The following RABEP2 variants were observed in gnomAD, a reference collection of about 807,000 sequenced individuals.
RABEP2 encodes the protein rab GTPase-binding effector protein 2.
RABEP2 carries 57 observed loss-of-function variants against 74.1 expected under a neutral mutation model. The observed-to-expected ratio is 0.77, with a 90% confidence interval of 0.62 to 0.96. RABEP2 has a LOEUF of 0.96. RABEP2 is among the 40% of genes least tolerant of loss of function. RABEP2 has a pLI of 0.00. For synonymous variants in RABEP2, 351 were observed against 344.0 expected (o/e 1.02, Z -0.23); for missense variants, 692 against 756.3 (o/e 0.91, Z 1.00).
Position 28,925,199 on chromosome 16 carries a change from G to A in RABEP2, c.-36C>T. ...CAAACGGCGGATTCCCGCACTCCCT[G>A]GTGACGGAGCGCACCGCTTCCGGGT... On this transcript the variant is annotated 5_prime_UTR_variant, in exon 1 of 13. Transcript: ENST00000358201. The A allele has an allele frequency of 6.6e-7, 1 of 1,515,816 alleles. No individual in the cohort carries two copies. Among genetic ancestry groups the A allele is most frequent in the Non-Finnish European group, 8.8e-7 (1 of 1,138,134 alleles). The allele number at this position is 1,515,816 out of a possible 1,614,324, so 93.9% of individuals were successfully genotyped here. A position where few individuals can be genotyped will look rare whatever the true frequency, so the allele number is the denominator to read the frequency against.
Position 28,906,253 on chromosome 16 carries a change from G to A in RABEP2, c.1246-57C>T, listed in dbSNP as rs1400584331. On this transcript the variant is annotated intron_variant, in intron 8 of 12. Coordinates refer to ENST00000358201, the MANE Select transcript of RABEP2 (RefSeq NM_024816.3). ...TGGGGCAGGAGGGCAGGAGGGCAGGGGCCACCAGCCAGACGGGGATTGTCG... is the reference window on the plus strand; with the variant it reads ...TGGGGCAGGAGGGCAGGAGGGCAGGAGCCACCAGCCAGACGGGGATTGTCG... 13 of 1,489,398 alleles carry A rather than the reference G, an allele frequency of 8.7e-6. No individual in the cohort carries two copies. The Admixed American group carries it at 2.1e-4, about 25-fold the overall frequency. The allele number at this position is 1,489,398 out of a possible 1,614,324, so 92.3% of individuals were successfully genotyped here.
chr16:28,914,813 T>C, intron 3 of RABEP2, 31 bp from the exon 4 acceptor site: 1 of 1,598,158 alleles, frequency 6.3e-7, no homozygotes, highest in Non-Finnish European at 8.6e-7. Flanking sequence ...CAGCAATAGT[T>C]CCCCCTCCAA....
In RABEP2 at chr16:28,904,743, G is replaced by A. The variant is rs778986911; in HGVS notation, c.*200C>T. 29 of 644,826 alleles carry A rather than the reference G, an allele frequency of 4.5e-5. No homozygotes were observed. The highest frequency in any genetic ancestry group is 4.2e-4 in the African/African-American group (23 of 54,546). The allele number at this position is 644,826 out of a possible 1,614,324, so 39.9% of individuals were successfully genotyped here. A position where few individuals can be genotyped will look rare whatever the true frequency, so the allele number is the denominator to read the frequency against. On this transcript the variant is annotated 3_prime_UTR_variant, in exon 13 of 13. Coordinates refer to ENST00000358201, the MANE Select transcript of RABEP2 (RefSeq NM_024816.3). Reference sequence around the variant, plus strand: ...GGAGGGGCTTGGGCCCCTCACCCAGGTGTGATCCCTGAGAACAGGAGGCCC... The same window carrying A: ...GGAGGGGCTTGGGCCCCTCACCCAGATGTGATCCCTGAGAACAGGAGGCCC...
At position 28,908,691 on chromosome 16, in the gene RABEP2, C is replaced by T. The variant is rs373320671; in HGVS notation, c.1163G>A (p.Arg388Gln). Residue 388 changes from arginine (R) to glutamine (Q), a missense_variant, in exon 8 of 13, where the codon CGG becomes CAG. Physicochemically the swap from Arg to Gln is conservative, Grantham distance 43. Transcript: ENST00000358201. ...KRLNEENQGL[R>Q]AEQLPSSAPQ... ...GGCTGAGGATGGCAGCTGCTCGGCCCGGAGCCCTTGGTTTTCCTCATTCAA... is the reference window on the plus strand; with the variant it reads ...GGCTGAGGATGGCAGCTGCTCGGCCTGGAGCCCTTGGTTTTCCTCATTCAA... 1.4e-5 allele frequency: 23 copies of T among 1,614,184 alleles called. No individual in the cohort carries two copies. Among genetic ancestry groups the T allele is most frequent in the East Asian group, 1.1e-4 (5 of 44,886 alleles).
At chr16:28,911,282 G>A in intron 5 of RABEP2, 103 bp from the exon 6 acceptor site, 1 of 1,044,412 alleles carries the variant, frequency 9.6e-7, no homozygotes, top group Non-Finnish European at 1.4e-6. Context: ...CATCCACACA[G>A]TCCGTCAAAT....
intron 5 of RABEP2, among the ~76,000 whole-genome samples, chr16:28,912,393 GCTTT>G (rs1172076863): frequency 7.5e-4 from 108 of 143,370 alleles, no homozygotes; most frequent in Middle Eastern, 7.3e-3. Flanking sequence ...CCCCAAGTAA[GCTTT>G]CTTTCTTTCT....
chr16:28,911,057 G>A (rs760484253), intron 6 of RABEP2, 27 bp downstream of exon 6: 6 of 1,610,640 alleles, frequency 3.7e-6, no homozygotes, highest in Non-Finnish European at 5.1e-6. Flanking sequence ...GAGGCCGGCT[G>A]GGGCTGCAGC....
chr16:28,922,867 C>G (rs1265335244), intron 2 of RABEP2, among the ~76,000 whole-genome samples: 4 of 151,170 alleles, frequency 2.6e-5, no homozygotes, highest in Non-Finnish European at 4.4e-5. Flanking sequence ...GAACTCCAGT[C>G]TGGGTAACAG....
intron 5 of RABEP2, among the ~76,000 whole-genome samples, chr16:28,914,034 C>T (rs1035921914): frequency 5.3e-5 from 8 of 151,786 alleles, no homozygotes; most frequent in African/African-American, 1.7e-4. Context: ...ACCCAGCTTC[C>T]GAGTGGCTGG....
At chr16:28,909,159 C>G (rs1262330652) in intron 7 of RABEP2, among the ~76,000 whole-genome samples, 1 of 152,018 alleles carries the variant, frequency 6.6e-6, no homozygotes, top group East Asian at 1.9e-4. Context: ...TCACTGCAAC[C>G]TCCGCCTCCC....
chr16:28,904,866 C>A lies in RABEP2; in HGVS notation c.*77G>T. ...GGGACGGTGGAAAAGCCATCCAAGA[C>A]CCCAGAGCGAGGCCTCATGGTTCAG... On this transcript the variant is annotated 3_prime_UTR_variant, in exon 13 of 13. Coordinates refer to ENST00000358201, the MANE Select transcript of RABEP2 (RefSeq NM_024816.3). The A allele has an allele frequency of 8.9e-7, 1 of 1,127,508 alleles. No homozygotes were observed. Among genetic ancestry groups the A allele is most frequent in the Non-Finnish European group, 1.3e-6 (1 of 774,122 alleles). The allele number at this position is 1,127,508 out of a possible 1,614,324, so 69.8% of individuals were successfully genotyped here. A position where few individuals can be genotyped will look rare whatever the true frequency, so the allele number is the denominator to read the frequency against.
At chr16:28,924,165 GGCAACAGATAGAA>G in intron 2 of RABEP2, 2 of 559,846 alleles carry the variant, frequency 3.6e-6, no homozygotes, top group South Asian at 2.1e-5. Flanking sequence ...CATGGGACAA[GGCAACAGATAGAA>G]GCTGGGAGCT....
intron 5 of RABEP2, 44 bp downstream of exon 5, chr16:28,914,190 CAG>C: frequency 1.4e-6 from 2 of 1,476,640 alleles, no homozygotes; most frequent in South Asian, 2.6e-5. Flanking sequence ...AAGCATCCAG[CAG>C]AGAGGGGGAT....
intron 5 of RABEP2, 23 bp downstream of exon 5, chr16:28,914,213 G>T: frequency 6.5e-7 from 1 of 1,549,892 alleles, no homozygotes. Context: ...GGTACACCCC[G>T]CCACCCTGCC....
chr16:28,905,099 C>T (rs2152217147), intron 12 of RABEP2, 55 bp from the exon 13 acceptor site: 1 of 1,447,228 alleles, frequency 6.9e-7, no homozygotes. Flanking sequence ...GCAGCCCCTA[C>T]CCCACCTGCC....
At position 28,905,710 on chromosome 16, in the gene RABEP2, C is replaced by T. The variant is rs755960017; in HGVS notation, c.1485G>A (p.Gln495=). The change falls in exon 11 of 13, where the codon CAG becomes CAA. Residue 495 remains glutamine (Q), a synonymous_variant. Transcript: ENST00000358201. The part of the protein sequence containing the change: ...RTEMERVQQE[Q]SKAQLPDLLS... Reference sequence around the variant, plus strand: ...CCCCTGCCCTCCCCCTCACCTTGCTCTGTTCCTGCTGCACCCGCTCCATCT... The same window carrying T: ...CCCCTGCCCTCCCCCTCACCTTGCTTTGTTCCTGCTGCACCCGCTCCATCT... 1.2e-6 allele frequency: 2 copies of T among 1,613,962 alleles called. No individual in the cohort carries two copies. Among genetic ancestry groups the T allele is most frequent in the Non-Finnish European group, 1.7e-6 (2 of 1,179,906 alleles).
chr16:28,912,107 G>A (rs1467702813), intron 5 of RABEP2, among the ~76,000 whole-genome samples: 1 of 151,872 alleles, frequency 6.6e-6, no homozygotes, highest in Non-Finnish European at 1.5e-5. Flanking sequence ...TTAGCCAGGT[G>A]TGGTGGCAGG....
chr16:28,914,197 G>C lies in RABEP2; in HGVS notation c.894+39C>G, dbSNP rs765797818. The C allele has an allele frequency of 2.8e-5, 42 of 1,500,828 alleles. 1 individual carries two copies. In the South Asian group the frequency reaches 5.3e-4, roughly 19 times the overall value. The allele number at this position is 1,500,828 out of a possible 1,614,324, so 93.0% of individuals were successfully genotyped here. A position where few individuals can be genotyped will look rare whatever the true frequency, so the allele number is the denominator to read the frequency against. On this transcript the variant is annotated intron_variant, in intron 5 of 12. Transcript: ENST00000358201. ...TGCGGGGGAAGCATCCAGCAGAGAG[G>C]GGGATGGTACACCCCGCCACCCTGC...
chr16:28,908,814 A>G, intron 7 of RABEP2, 50 bp from the exon 8 acceptor site: 1 of 1,567,838 alleles, frequency 6.4e-7, no homozygotes, highest in Non-Finnish European at 8.7e-7. Flanking sequence ...GGGCGTCTCC[A>G]GTCCCTAGGA....
Sources: gnomAD v4.1 joint callset for allele counts (sites outside exome capture counted in the v4.1 genomes callset) on GRCh38, gnomAD v4.1.1 for gene constraint, MANE v1.5 for transcripts, NCBI Gene and HGNC (gene_info 2026-07-23, HGNC 2026-07-21) for gene names.